Variants in FCMR observed in about 807,000 individuals in gnomAD.
FCMR encodes the protein Fc mu receptor, also known as immunoglobulin mu Fc receptor.
FCMR carries 34 observed loss-of-function variants against 41.6 expected under a neutral mutation model. That is an observed-to-expected ratio of 0.82 (90% CI 0.62 to 1.09). The LOEUF (loss-of-function observed/expected upper bound fraction) is 1.09, where lower values mean the gene tolerates loss of function less well. FCMR is among the 50% of genes least tolerant of loss of function. The pLI is 0.00. For synonymous variants in FCMR, 209 were observed against 211.8 expected, an observed-to-expected ratio of 0.99 and a Z score of 0.12; for missense variants, 496 against 512.5, an observed-to-expected ratio of 0.97 and a Z score of 0.31.
intron 7 of FCMR, among the ~76,000 whole-genome samples, chr1:206,905,468 T>G (rs1377885966): frequency 6.6e-6 from 1 of 152,190 alleles, no homozygotes; most frequent in East Asian, 1.9e-4. Flanking sequence ...ATGCTGTGAC[T>G]TATGGCATAA....
chr1:206,907,685 G>C (rs1678729841), intron 7 of FCMR: 1 of 827,184 alleles, frequency 1.2e-6, no homozygotes, highest in Middle Eastern at 2.3e-4. Flanking sequence ...GGCGGCCATC[G>C]TGGCTAACTA....
chr1:206,908,993 C>T (rs1006312898), intron 7 of FCMR, among the ~76,000 whole-genome samples: 1 of 152,140 alleles, frequency 6.6e-6, no homozygotes, highest in African/African-American at 2.4e-5. Flanking sequence ...ATCCTCTAGC[C>T]AAGCTTAACC....
intron 7 of FCMR, 24 bp from the exon 8 acceptor site, chr1:206,905,171 A>G (rs1678571212): frequency 6.2e-7 from 1 of 1,613,620 alleles, no homozygotes; most frequent in African/African-American, 1.3e-5. Flanking sequence ...AAGAAGCATC[A>G]CTGGATCTGG....
chr1:206,920,776 A>G (rs1679405459), intron 1 of FCMR, among the ~76,000 whole-genome samples: 1 of 152,230 alleles, frequency 6.6e-6, no homozygotes. Context: ...AAGATAGTTA[A>G]GAGGGGATTG....
chr1:206,917,377 C>T (rs1212840578), intron 1 of FCMR, among the ~76,000 whole-genome samples: 4 of 152,028 alleles, frequency 2.6e-5, no homozygotes, highest in African/African-American at 4.8e-5. Context: ...AGAAACATCC[C>T]GCTCAGCTTC....
chr1:206,905,411 G>A (rs907440350), intron 7 of FCMR, among the ~76,000 whole-genome samples: 3 of 152,160 alleles, frequency 2.0e-5, no homozygotes, highest in African/African-American at 7.2e-5. Flanking sequence ...CTAAGCATGG[G>A]CCTGAAAGAG....
Position 206,910,124 on chromosome 1 carries a change from T to C in FCMR, c.841+86A>G, listed in dbSNP as rs187844824. 5.7e-5 allele frequency: 79 copies of C among 1,393,168 alleles called. No individual in the cohort carries two copies. In the African/African-American group the frequency reaches 1.0e-3, roughly 18 times the overall value. The allele number at this position is 1,393,168 out of a possible 1,614,324, so 86.3% of individuals were successfully genotyped here. ...CAGGCTGCTCATCAAAAGCTCCGAG[T>C]TTCCCATGGAAGTTCAAAAGGGGGT... On this transcript the variant is annotated intron_variant, in intron 5 of 7. Coordinates refer to ENST00000367091, the MANE Select transcript of FCMR (RefSeq NM_005449.5).
At chr1:206,907,086 G>A (rs1678683702) in intron 7 of FCMR, among the ~76,000 whole-genome samples, 1 of 59,202 alleles carries the variant, frequency 1.7e-5, no homozygotes, top group Non-Finnish European at 3.2e-5. Context: ...AAGCCGGGGG[G>A]TGGGGGGGTG....
intron 1 of FCMR, among the ~76,000 whole-genome samples, chr1:206,920,315 C>A (rs1379623905): frequency 6.6e-6 from 1 of 152,056 alleles, no homozygotes; most frequent in African/African-American, 2.4e-5. Flanking sequence ...TTTAGCCTGT[C>A]ACGATAGTGC....
intron 1 of FCMR, among the ~76,000 whole-genome samples, chr1:206,916,112 G>A (rs1186392876): frequency 1.3e-5 from 2 of 152,106 alleles, no homozygotes; most frequent in African/African-American, 4.8e-5. Context: ...CACGAGTTCT[G>A]ACATGGAAAC....
chr1:206,908,322 G>A, intron 7 of FCMR: 2 of 661,740 alleles, frequency 3.0e-6, no homozygotes, highest in East Asian at 2.8e-5. Context: ...GGCAGCAGCA[G>A]TCCGGGTGCC....
chr1:206,908,298 G>A (rs1678769069), intron 7 of FCMR: 5 of 837,306 alleles, frequency 6.0e-6, no homozygotes, highest in South Asian at 3.1e-5. Flanking sequence ...GCCCTGGAAT[G>A]TGCGGGACCC....
rs558719054 is a variant in FCMR at position 206,907,956 on chromosome 1, C to A, written c.1044+1506G>T. On this transcript the variant is annotated intron_variant, in intron 7 of 7. Coordinates refer to ENST00000367091, the MANE Select transcript of FCMR (RefSeq NM_005449.5). ...TTGACGGCATCCTACTGCCCTACGA[C>A]AAGAAAAAGCGGATGGTGGTTCCTG... 6.5e-5 allele frequency: 92 copies of A among 1,425,360 alleles called. No individual in the cohort carries two copies. The East Asian group carries it at 2.0e-3, about 31-fold the overall frequency. The allele number at this position is 1,425,360 out of a possible 1,614,324, so 88.3% of individuals were successfully genotyped here.
At chr1:206,915,882 C>T (rs1421939108) in intron 1 of FCMR, among the ~76,000 whole-genome samples, 6 of 151,338 alleles carry the variant, frequency 4.0e-5, no homozygotes, top group African/African-American at 1.5e-4. Flanking sequence ...TCAGGTATAG[C>T]TTAGGAAAGA....
chr1:206,921,542 A>G, intron 1 of FCMR: 1 of 528,294 alleles, frequency 1.9e-6, no homozygotes, highest in South Asian at 2.0e-5. Context: ...ACAAGACTGC[A>G]GTGAGCCATG....
Position 206,909,368 on chromosome 1 carries a change from G to A in FCMR, c.1044+94C>T, listed in dbSNP as rs1468395999. 9.0e-6 allele frequency: 6 copies of A among 664,192 alleles called. No individual in the cohort carries two copies. 41.1% of individuals were successfully genotyped at this position (664,192 alleles called of 1,614,324 possible). ...GAAACCCGCTCTCCGGATCGCGGCG[G>A]CGGCGGCGCGGGAAGCCACACTCGG... On this transcript the variant is annotated intron_variant, in intron 7 of 7. Coordinates refer to ENST00000367091, the MANE Select transcript of FCMR (RefSeq NM_005449.5). The surrounding 1 kb of genome is among the most constrained non-coding windows in gnomAD (Gnocchi z 5.0).
In FCMR at chr1:206,904,794, C is replaced by G. The variant is rs1315741074; in HGVS notation, c.*225G>C. On this transcript the variant is annotated 3_prime_UTR_variant, in exon 8 of 8. Coordinates refer to ENST00000367091, the MANE Select transcript of FCMR (RefSeq NM_005449.5). Reference sequence around the variant, plus strand: ...GGCATTGGGACAATTGCTCTACATGCCTACAGCTTACCTGTCAACTACAGG... The same window carrying G: ...GGCATTGGGACAATTGCTCTACATGGCTACAGCTTACCTGTCAACTACAGG... 1.8e-6 allele frequency: 1 copy of G among 545,818 alleles called. No homozygotes were observed. The highest frequency in any genetic ancestry group is 3.3e-6 in the Non-Finnish European group (1 of 301,308). The allele number at this position is 545,818 out of a possible 1,614,324, so 33.8% of individuals were successfully genotyped here.
Position 206,908,904 on chromosome 1 carries a change from T to A in FCMR, c.1044+558A>T, listed in dbSNP as rs532033121. The stretch of plus-strand genomic sequence containing the variant: ...CAGTGGCCCTGAGTGGAAACGCGAG[T>A]TCCCTCCATCCACTCTAGATTTAAA... On this transcript the variant is annotated intron_variant, in intron 7 of 7. Coordinates refer to ENST00000367091, the MANE Select transcript of FCMR (RefSeq NM_005449.5). 3.8e-4 allele frequency among the ~76,000 whole-genome samples: 57 copies of A among 151,902 alleles called. 1 individual carries two copies. Among genetic ancestry groups the A allele is most frequent in the Non-Finnish European group, 6.9e-4 (47 of 67,964 alleles).
chr1:206,910,016 T>C, intron 5 of FCMR, 148 bp from the exon 6 acceptor site: 1 of 1,153,118 alleles, frequency 8.7e-7, no homozygotes, highest in Non-Finnish European at 1.2e-6. Flanking sequence ...AGGCACGGCC[T>C]TGCCCTGCCC....
Sources: allele counts gnomAD v4.1 joint callset (sites outside exome capture counted in the v4.1 genomes callset), GRCh38; gene constraint gnomAD v4.1.1; non-coding constraint Gnocchi (gnomAD v3.1); transcripts MANE v1.5; gene names NCBI Gene and HGNC (gene_info 2026-07-23, HGNC 2026-07-21).